The following SNAP23 variants were observed in gnomAD, a reference collection of about 807,000 sequenced individuals.
SNAP23 encodes the protein synaptosomal-associated protein 23.
Under a neutral mutation model 29.0 loss-of-function variants are expected in SNAP23, and 11 were observed. The observed-to-expected ratio is 0.38, with a 90% CI of 0.24 to 0.63. The LOEUF is 0.63. SNAP23 is among the 20% of genes least tolerant of loss of function. The probability of loss-of-function intolerance (pLI) is 0.58; values close to 1 mark genes in which losing one functional copy is unlikely to be tolerated. For missense variants in SNAP23, 220 were observed against 253.9 expected (o/e 0.87, Z 0.91); for synonymous variants, 60 against 82.9 (o/e 0.72, Z 1.50).
intron 5 of SNAP23, chr15:42,521,819 G>A: frequency 2.4e-6 from 1 of 425,288 alleles, no homozygotes; most frequent in Non-Finnish European, 4.2e-6. Flanking sequence ...TTCTTGATGG[G>A]TGCTATCTCA....
At chr15:42,491,784 G>T (rs1486196322), upstream of SNAP23, among the ~76,000 whole-genome samples, 1 of 152,208 alleles carries the variant, frequency 6.6e-6, no homozygotes, top group African/African-American at 2.4e-5. Context: ...GTTTCACCAT[G>T]TTGCCCAGGC....
At chr15:42,504,178 T>A (rs578032789) in intron 1 of SNAP23, among the ~76,000 whole-genome samples, 25 of 147,916 alleles carry the variant, frequency 1.7e-4, no homozygotes, top group African/African-American at 2.2e-4. Context: ...AAAAAAAAAA[T>A]AATAATATAA....
chr15:42,514,370 G>C (rs957022465), intron 4 of SNAP23, among the ~76,000 whole-genome samples: 2 of 151,556 alleles, frequency 1.3e-5, no homozygotes, highest in African/African-American at 4.8e-5. Context: ...TCGAACTCTT[G>C]ACTTCAAGAG....
upstream of SNAP23, among the ~76,000 whole-genome samples, chr15:42,493,968 T>C (rs900442199): frequency 1.3e-5 from 2 of 152,166 alleles, no homozygotes; most frequent in African/African-American, 4.8e-5. Flanking sequence ...TTCTTACCAG[T>C]GTTTCGAACT....
intron 5 of SNAP23, among the ~76,000 whole-genome samples, chr15:42,516,675 C>T (rs1484997856): frequency 2.6e-5 from 4 of 152,106 alleles, no homozygotes; most frequent in African/African-American, 4.8e-5. Context: ...AATATTTCAT[C>T]CAGTTCTCAG....
chr15:42,509,115 A>G (rs2057338427), intron 1 of SNAP23, among the ~76,000 whole-genome samples: 1 of 152,148 alleles, frequency 6.6e-6, no homozygotes, highest in African/African-American at 2.4e-5. Flanking sequence ...AAGGTGTGCA[A>G]AAGTGTGGAG....
At chr15:42,507,161 G>A (rs961766512) in intron 1 of SNAP23, among the ~76,000 whole-genome samples, 1 of 152,114 alleles carries the variant, frequency 6.6e-6, no homozygotes, top group African/African-American at 2.4e-5. Context: ...CTTAATTTGC[G>A]AGTAGATCCC....
chr15:42,528,288 C>T lies in SNAP23; in HGVS notation c.293C>T (p.Ala98Val), dbSNP rs1449334349. 1.2e-6 allele frequency: 2 copies of T among 1,614,058 alleles called. No homozygotes were observed. Among genetic ancestry groups the T allele is most frequent in the South Asian group, 1.1e-5 (1 of 91,070 alleles). Residue 98 changes from alanine (A) to valine (V), a missense_variant, in exon 6 of 8, where the codon GCT becomes GTT. By Grantham distance (64) the Ala-to-Val change is moderately conservative (BLOSUM62 0). Transcript: ENST00000249647. Reference sequence around the variant, plus strand: ...ACAAAGAACTTTGAGTCTGGCAAGGCTTATAAGACAACATGGGGAGATGGT... The same window carrying T: ...ACAAAGAACTTTGAGTCTGGCAAGGTTTATAAGACAACATGGGGAGATGGT... ...NRTKNFESGKAYKTTWGDGGE... is the reference protein window; with the variant it reads ...NRTKNFESGKVYKTTWGDGGE...
At chr15:42,521,270 A>G (rs1022124150) in intron 5 of SNAP23, among the ~76,000 whole-genome samples, 14 of 152,232 alleles carry the variant, frequency 9.2e-5, no homozygotes, top group African/African-American at 3.4e-4. Context: ...AAAATACATA[A>G]TAGAAGTCAT....
rs544054764 is a variant in SNAP23 at position 42,528,071 on chromosome 15, A to G, written c.267-191A>G. 52 of 488,602 alleles carry G rather than the reference A, an allele frequency of 1.1e-4. No individual in the cohort carries two copies. In the South Asian group the frequency reaches 1.3e-3, roughly 12 times the overall value. The allele number at this position is 488,602 out of a possible 1,614,324, so 30.3% of individuals were successfully genotyped here. A position where few individuals can be genotyped will look rare whatever the true frequency, so the allele number is the denominator to read the frequency against. Reference sequence around the variant, plus strand: ...CTTTTTAAAATTTTTTTTAGTGTCAATGGGTTTACATAATTCATCTATTTC... The same window carrying G: ...CTTTTTAAAATTTTTTTTAGTGTCAGTGGGTTTACATAATTCATCTATTTC... On this transcript the variant is annotated intron_variant, in intron 5 of 7. Coordinates refer to ENST00000249647, the MANE Select transcript of SNAP23 (RefSeq NM_003825.4).
chr15:42,521,512 C>G, intron 5 of SNAP23: 1 of 1,415,698 alleles, frequency 7.1e-7, no homozygotes, highest in South Asian at 1.5e-5. Context: ...GTTTTTAAAA[C>G]TTTAAACCTG....
chr15:42,529,253 C>T (rs932165735), intron 6 of SNAP23, among the ~76,000 whole-genome samples: 1 of 152,172 alleles, frequency 6.6e-6, no homozygotes, highest in African/African-American at 2.4e-5. Context: ...AGTTTTCCAA[C>T]CTCTCTCTTA....
chr15:42,508,417 CCA>C (rs1383150219), intron 1 of SNAP23, among the ~76,000 whole-genome samples: 1 of 152,168 alleles, frequency 6.6e-6, no homozygotes, highest in Non-Finnish European at 1.5e-5. Context: ...TGAGCGACAG[CCA>C]CACTAAACTT....
At chr15:42,492,472 G>A (rs1446599057), upstream of SNAP23, among the ~76,000 whole-genome samples, 2 of 151,950 alleles carry the variant, frequency 1.3e-5, no homozygotes, top group African/African-American at 4.8e-5. Context: ...GAGGTCCAGA[G>A]ATCGAGACCA....
chr15:42,513,250 G>A (rs753823812), intron 3 of SNAP23, 149 bp from the exon 4 acceptor site: 1 of 791,354 alleles, frequency 1.3e-6, no homozygotes, highest in Non-Finnish European at 2.2e-6. Flanking sequence ...ATGTTAAAGT[G>A]TGTTAGTTTA....
At chr15:42,498,530 C>T (rs543109389) in intron 1 of SNAP23, among the ~76,000 whole-genome samples, 3 of 152,308 alleles carry the variant, frequency 2.0e-5, no homozygotes, top group Admixed American at 2.0e-4. Flanking sequence ...TGAGGCTGCC[C>T]ACGAAACCAT....
At chr15:42,515,563 A>G (rs1470413895) in intron 5 of SNAP23, among the ~76,000 whole-genome samples, 1 of 152,228 alleles carries the variant, frequency 6.6e-6, no homozygotes, top group East Asian at 1.9e-4. Context: ...TCCTGGGATC[A>G]AGTCCAATTT....
intron 1 of SNAP23, among the ~76,000 whole-genome samples, chr15:42,498,114 C>G (rs1298275738): frequency 2.0e-5 from 3 of 152,162 alleles, no homozygotes; most frequent in Non-Finnish European, 4.4e-5. Flanking sequence ...TGAGGCTTTT[C>G]CAGGTTCATA....
chr15:42,529,369 C>A (rs970503193), intron 6 of SNAP23, among the ~76,000 whole-genome samples: 1 of 152,142 alleles, frequency 6.6e-6, no homozygotes, highest in African/African-American at 2.4e-5. Flanking sequence ...TTGAGTAGGT[C>A]TGGAATGGAG....
Sources: allele counts gnomAD v4.1 joint callset (sites outside exome capture counted in the v4.1 genomes callset), GRCh38; gene constraint gnomAD v4.1.1; transcripts MANE v1.5; gene names NCBI Gene and HGNC (gene_info 2026-07-23, HGNC 2026-07-21).